Variants in GLG1 observed in about 807,000 individuals in gnomAD.
The protein encoded by GLG1 is golgi glycoprotein 1.
GLG1 carries 38 observed loss-of-function variants against 160.5 expected under a neutral mutation model. The observed-to-expected ratio is 0.24, with a 90% CI of 0.18 to 0.31. GLG1 has a LOEUF of 0.31. GLG1 is among the 10% of genes least tolerant of loss of function. GLG1 has a pLI of 1.00. For missense variants in GLG1, 1,373 were observed against 1,505.2 expected (o/e 0.91, Z 1.45); for synonymous variants, 644 against 543.4 (o/e 1.19, Z -2.57).
intron 1 of GLG1, among the ~76,000 whole-genome samples, chr16:74,570,203 T>C (rs541051492): frequency 9.8e-4 from 150 of 152,288 alleles, no homozygotes; most frequent in South Asian, 4.6e-3. Flanking sequence ...CCTATTTCCT[T>C]CTAGGTGCTT....
intron 2 of GLG1, among the ~76,000 whole-genome samples, chr16:74,521,016 G>C (rs1435413531): frequency 6.6e-6 from 1 of 152,174 alleles, no homozygotes; most frequent in South Asian, 2.1e-4. Flanking sequence ...AAGGTGAATT[G>C]AAAGTAGGGG....
In GLG1 at chr16:74,518,264, A is replaced by C. The variant is rs960637212; in HGVS notation, c.472-9339T>G. On this transcript the variant is annotated intron_variant, in intron 2 of 25. Transcript: ENST00000422840. ...CAAGAAAATCTTGGGCAAGAAGCAC[A>C]AAGTTGGAGGCATCATGCTACCCGA... 9.2e-5 allele frequency among the ~76,000 whole-genome samples: 14 copies of C among 152,194 alleles called. 1 individual carries two copies. Among genetic ancestry groups the C allele is most frequent in the Non-Finnish European group, 2.9e-5 (2 of 68,040 alleles).
intron 18 of GLG1, among the ~76,000 whole-genome samples, chr16:74,466,778 C>A (rs2015015334): frequency 6.6e-6 from 1 of 152,078 alleles, no homozygotes; most frequent in South Asian, 2.1e-4. Flanking sequence ...GCAGAATGGA[C>A]AAAGCTGAAG....
At chr16:74,539,734 C>A (rs896848835) in intron 1 of GLG1, among the ~76,000 whole-genome samples, 10 of 149,320 alleles carry the variant, frequency 6.7e-5, no homozygotes, top group African/African-American at 2.4e-4. Flanking sequence ...CCAAAAAAGA[C>A]TGAGTAACTC....
In GLG1 at chr16:74,465,713, T is replaced by C; in HGVS notation, c.2630A>G (p.Asp877Gly). Residue 877 changes from aspartate to glycine, a missense_variant, in exon 19 of 26, where the codon GAC (aspartate) becomes GGC (glycine). Coordinates refer to ENST00000422840, the MANE Select transcript of GLG1 (RefSeq NM_001145667.2). ...QETEMMDPEL[D>G]YTLMRVCKQM... Reference sequence around the variant, plus strand: ...CTTGCAGACCCTCATGAGGGTGTAGTCTAGCTCTGGGTCCATCATCTCTGT... The same window carrying C: ...CTTGCAGACCCTCATGAGGGTGTAGCCTAGCTCTGGGTCCATCATCTCTGT... 1 of 1,613,860 alleles carries C rather than the reference T, an allele frequency of 6.2e-7. No individual in the cohort carries two copies. The highest frequency in any genetic ancestry group is 8.5e-7 in the Non-Finnish European group (1 of 1,179,778).
intron 1 of GLG1, among the ~76,000 whole-genome samples, chr16:74,542,781 G>A (rs543867409): frequency 3.4e-5 from 5 of 148,232 alleles, no homozygotes; most frequent in African/African-American, 1.0e-4. Flanking sequence ...AAGGAAGGAA[G>A]GAAGGAAGGA....
At chr16:74,551,081 A>G (rs1359721970) in intron 1 of GLG1, among the ~76,000 whole-genome samples, 2 of 152,244 alleles carry the variant, frequency 1.3e-5, no homozygotes, top group Non-Finnish European at 2.9e-5. Context: ...AAGAATTCTA[A>G]TAACAATTTC....
chr16:74,456,855 A>T (rs1221131235), intron 24 of GLG1, 100 bp from the exon 25 acceptor site: 1 of 763,960 alleles, frequency 1.3e-6, no homozygotes, highest in Non-Finnish European at 2.3e-6. Context: ...CAGAGAATTC[A>T]GATCTGCAGG....
At position 74,462,471 on chromosome 16, in the gene GLG1, AG is replaced by A. The variant is rs776338851; in HGVS notation, c.2934+16del. 1 of 1,606,844 alleles carries A rather than the reference AG, an allele frequency of 6.2e-7. No homozygotes were observed. Among genetic ancestry groups the A allele is most frequent in the Admixed American group, 1.7e-5 (1 of 59,740 alleles). On this transcript the variant is annotated intron_variant, in intron 21 of 25. Transcript: ENST00000422840. ...GCTCCATAAATACACCTTTGTGGAG[AG>A]CCCAGGCCAGTTTACCTGGTCAGCA...
At chr16:74,470,843 C>T (rs1392440513) in intron 15 of GLG1, among the ~76,000 whole-genome samples, 2 of 150,874 alleles carry the variant, frequency 1.3e-5, no homozygotes, top group African/African-American at 2.4e-5. Context: ...CTACAACCTC[C>T]GCCTCCCAGG....
In GLG1 at chr16:74,456,656, G is replaced by T; in HGVS notation, c.3365C>A (p.Ala1122Glu). The change falls in exon 25 of 26, where the codon GCA (alanine) becomes GAA (glutamate). Residue 1122 changes from alanine (A) to glutamate (E), a missense_variant. Coordinates refer to ENST00000422840, the MANE Select transcript of GLG1 (RefSeq NM_001145667.2). ...LNDRIEMWSY[A>E]AKVAPADGFS... is the part of the protein sequence containing the mutation. ...GATTCTCTTGGTCATTACCTTTGCT[G>T]CGTAACTCCACATCTCAATCCGGTC... 1 of 1,594,438 alleles carries T rather than the reference G, an allele frequency of 6.3e-7. No homozygotes were observed. The highest frequency in any genetic ancestry group is 8.6e-7 in the Non-Finnish European group (1 of 1,166,828).
intron 11 of GLG1, among the ~76,000 whole-genome samples, chr16:74,479,678 G>A (rs2015528604): frequency 6.6e-6 from 1 of 152,164 alleles, no homozygotes; most frequent in South Asian, 2.1e-4. Flanking sequence ...ATCTCAGAAG[G>A]TAGAGAAAGC....
intron 3 of GLG1, among the ~76,000 whole-genome samples, chr16:74,505,583 G>A (rs2016567384): frequency 1.3e-5 from 2 of 152,216 alleles, no homozygotes; most frequent in South Asian, 2.1e-4. Flanking sequence ...GGCCAGGTGC[G>A]GTGGCTCATG....
intron 1 of GLG1, among the ~76,000 whole-genome samples, chr16:74,551,450 G>A (rs1222580054): frequency 3.5e-5 from 5 of 144,122 alleles, no homozygotes; most frequent in South Asian, 4.5e-4. Context: ...GACCACAGGC[G>A]CACACCACCA....
chr16:74,493,297 A>G (rs2016069959), intron 6 of GLG1, among the ~76,000 whole-genome samples, 157 bp from the exon 7 acceptor site: 1 of 152,348 alleles, frequency 6.6e-6, no homozygotes, highest in Middle Eastern at 3.4e-3. Flanking sequence ...AATGTTCACA[A>G]TTGAGCTAAA....
intron 2 of GLG1, among the ~76,000 whole-genome samples, chr16:74,531,915 A>G (rs2017545919): frequency 6.6e-6 from 1 of 152,188 alleles, no homozygotes; most frequent in African/African-American, 2.4e-5. Flanking sequence ...AAACTTAAGT[A>G]CGTAAATATT....
At chr16:74,518,031 C>A (rs2017037635) in intron 2 of GLG1, among the ~76,000 whole-genome samples, 1 of 152,186 alleles carries the variant, frequency 6.6e-6, no homozygotes, top group African/African-American at 2.4e-5. Context: ...CTACAAACCA[C>A]TGCTCAAGGA....
At chr16:74,597,198 C>T (rs1210510847) in intron 1 of GLG1, among the ~76,000 whole-genome samples, 1 of 151,542 alleles carries the variant, frequency 6.6e-6, no homozygotes, top group Admixed American at 6.6e-5. Context: ...TTTGGGAGGC[C>T]GAGGCGGGAG....
At position 74,528,746 on chromosome 16, in the gene GLG1, A is replaced by T. The variant is rs976657845; in HGVS notation, c.471+3375T>A. Among the ~76,000 whole-genome samples, 14 of 133,306 alleles carry T rather than the reference A, an allele frequency of 1.1e-4. 2 individuals carry two copies. The allele number at this position is 133,306 out of a possible 152,430, so 87.5% of individuals were successfully genotyped here. ...AGAATCACTTCAACCCCAGAGGCGG[A>T]AGTTTCAGTGAGCCGAGATCACACC... On this transcript the variant is annotated intron_variant, in intron 2 of 25. Coordinates refer to ENST00000422840, the MANE Select transcript of GLG1 (RefSeq NM_001145667.2).
Sources: gnomAD v4.1 joint callset for allele counts (sites outside exome capture counted in the v4.1 genomes callset) on GRCh38, gnomAD v4.1.1 for gene constraint, MANE v1.5 for transcripts, NCBI Gene and HGNC (gene_info 2026-07-23, HGNC 2026-07-21) for gene names.